Variants in PKIB observed in about 807,000 individuals in gnomAD.
The protein encoded by PKIB is cAMP-dependent protein kinase inhibitor beta, also known as PKI-beta.
Under a neutral mutation model 4.5 loss-of-function variants are expected in PKIB, and 2 were observed. That is an observed-to-expected ratio of 0.44 (90% CI 0.18 to 1.39). The LOEUF (loss-of-function observed/expected upper bound fraction) is 1.39. Among genes scored for constraint, PKIB ranks in the 40% most tolerant of loss-of-function variants. The pLI is 0.27. For synonymous variants in PKIB, 38 were observed against 36.0 expected (o/e 1.06, Z -0.20); for missense variants, 94 against 92.6 (o/e 1.02, Z -0.06).
At chr6:122,493,917 T>A (rs1403068592) in intron 2 of PKIB, among the ~76,000 whole-genome samples, 1 of 152,118 alleles carries the variant, frequency 6.6e-6, no homozygotes, top group Non-Finnish European at 1.5e-5. Context: ...GTGGCTCTTC[T>A]GGAAAGAAAC....
chr6:122,538,611 A>G lies in PKIB; in HGVS notation c.-247-47310A>G, dbSNP rs11757966. Among the ~76,000 whole-genome samples, 1,073 of 152,086 alleles carry G rather than the reference A, an allele frequency of 7.1e-3. 11 individuals are homozygous for G. Among genetic ancestry groups the G allele is most frequent in the Non-Finnish European group, 9.3e-3 (633 of 68,008 alleles). On this transcript the variant is annotated intron_variant, in intron 2 of 6. Transcript: ENST00000392491. ...GTAGTATAGTTTGAAGTCAGGTAGC[A>G]TGATGCCTCCGGCTTTGTTCTTTTG...
chr6:122,641,860 A>AT (rs1255424577), intron 2 of PKIB, among the ~76,000 whole-genome samples: 1 of 152,088 alleles, frequency 6.6e-6, no homozygotes, highest in Non-Finnish European at 1.5e-5. Context: ...CACCTGGCTC[A>AT]TTTTTTATTT....
chr6:122,619,096 T>C (rs1275698493), intron 1 of PKIB, among the ~76,000 whole-genome samples: 1 of 152,168 alleles, frequency 6.6e-6, no homozygotes, highest in Admixed American at 6.5e-5. Flanking sequence ...TCAATCTGTT[T>C]GCAAGAGCTT....
At chr6:122,499,976 G>C (rs1353933083) in intron 2 of PKIB, among the ~76,000 whole-genome samples, 1 of 152,038 alleles carries the variant, frequency 6.6e-6, no homozygotes, top group Non-Finnish European at 1.5e-5. Context: ...AAATACCTAA[G>C]AATACATCTA....
At chr6:122,693,881 TAGG>T (rs1778449763) in intron 3 of PKIB, among the ~76,000 whole-genome samples, 2 of 152,184 alleles carry the variant, frequency 1.3e-5, no homozygotes, top group South Asian at 4.1e-4. Context: ...TAAAAAACTC[TAGG>T]AGATGACTGA....
chr6:122,524,538 A>ATTTTTTGGTATGTACTTGCTTAT, intron 2 of PKIB, among the ~76,000 whole-genome samples: 1 of 152,058 alleles, frequency 6.6e-6, no homozygotes, highest in East Asian at 1.9e-4. Context: ...TTTTTGGAAA[A>ATTTTTTGGTATGTACTTGCTTAT]GTTTTAAAAG....
At chr6:122,512,610 C>T (rs1213788319) in intron 2 of PKIB, among the ~76,000 whole-genome samples, 1 of 152,132 alleles carries the variant, frequency 6.6e-6, no homozygotes, top group Non-Finnish European at 1.5e-5. Context: ...ACCAGCTGCT[C>T]CTTTGGACAA....
chr6:122,632,629 T>C (rs756898366), intron 1 of PKIB, among the ~76,000 whole-genome samples: 4 of 152,214 alleles, frequency 2.6e-5, no homozygotes, highest in Non-Finnish European at 5.9e-5. Flanking sequence ...ATTGGCTACC[T>C]ATTCATAGCA....
At chr6:122,558,638 C>A (rs181096136) in intron 2 of PKIB, among the ~76,000 whole-genome samples, 127 of 152,284 alleles carry the variant, frequency 8.3e-4, no homozygotes, top group African/African-American at 2.9e-3. Context: ...TTCAACATTT[C>A]TTTTAGTACA....
At chr6:122,529,178 T>C (rs1456489932) in intron 2 of PKIB, among the ~76,000 whole-genome samples, 1 of 152,240 alleles carries the variant, frequency 6.6e-6, no homozygotes, top group Non-Finnish European at 1.5e-5. Context: ...TCTTCTGTAA[T>C]GATGTGCTTT....
At chr6:122,510,395 G>C (rs1467533881) in intron 2 of PKIB, among the ~76,000 whole-genome samples, 2 of 152,140 alleles carry the variant, frequency 1.3e-5, no homozygotes, top group Non-Finnish European at 2.9e-5. Context: ...CATACCCTGA[G>C]GCAAAACTTT....
At chr6:122,547,662 C>T (rs1772536994) in intron 2 of PKIB, among the ~76,000 whole-genome samples, 1 of 152,136 alleles carries the variant, frequency 6.6e-6, no homozygotes, top group African/African-American at 2.4e-5. Context: ...CTTATACTGT[C>T]TGTCTTGGCT....
At position 122,725,766 on chromosome 6, in the gene PKIB, T is replaced by C. The variant is rs1582852298; in HGVS notation, c.*571T>C. ...GATAACAGAAACATCTTTAGGATAT[T>C]TTTGTCTGACATATTTTGCTTCTAG... On this transcript the variant is annotated 3_prime_UTR_variant, in exon 5 of 5. Coordinates refer to ENST00000368452, the MANE Select transcript of PKIB (RefSeq NM_181795.3). 6.6e-6 allele frequency: 1 copy of C among 152,130 alleles called. No individual in the cohort carries two copies. Among genetic ancestry groups the C allele is most frequent in the East Asian group, 1.9e-4 (1 of 5,180 alleles). 9.4% of individuals were successfully genotyped at this position (152,130 alleles called of 1,614,324 possible).
intron 2 of PKIB, among the ~76,000 whole-genome samples, chr6:122,520,611 T>A (rs1182230757): frequency 6.6e-6 from 1 of 152,054 alleles, no homozygotes; most frequent in Non-Finnish European, 1.5e-5. Context: ...CATTATTTCC[T>A]CTTCTTAAGC....
chr6:122,606,686 A>G (rs1341426722), upstream of PKIB, among the ~76,000 whole-genome samples: 1 of 152,126 alleles, frequency 6.6e-6, no homozygotes, highest in Non-Finnish European at 1.5e-5. Flanking sequence ...GAATTGTGAG[A>G]GAATAAATTC....
upstream of PKIB, among the ~76,000 whole-genome samples, chr6:122,607,648 C>T (rs971630276): frequency 2.0e-5 from 3 of 152,214 alleles, no homozygotes; most frequent in African/African-American, 4.8e-5. Flanking sequence ...TACCACCAAC[C>T]TCATAAACTA....
chr6:122,603,129 A>C (rs1224158331), intron 3 of PKIB, among the ~76,000 whole-genome samples: 3 of 152,118 alleles, frequency 2.0e-5, no homozygotes, highest in African/African-American at 4.8e-5. Flanking sequence ...GCTATGGTTA[A>C]ATTAGAGTTT....
intron 3 of PKIB, among the ~76,000 whole-genome samples, chr6:122,694,526 A>G (rs1473597113): frequency 6.6e-6 from 1 of 152,196 alleles, no homozygotes; most frequent in African/African-American, 2.4e-5. Context: ...CCAAGCTGGC[A>G]CAGGTGAGAT....
At chr6:122,501,533 G>A (rs1776235884) in intron 2 of PKIB, among the ~76,000 whole-genome samples, 1 of 152,214 alleles carries the variant, frequency 6.6e-6, no homozygotes, top group Non-Finnish European at 1.5e-5. Context: ...GCAGCTTACA[G>A]TGTTTGAAAC....
Sources: gnomAD v4.1 joint callset for allele counts (sites outside exome capture counted in the v4.1 genomes callset) on GRCh38, gnomAD v4.1.1 for gene constraint, MANE v1.5 for transcripts, NCBI Gene and HGNC (gene_info 2026-07-23, HGNC 2026-07-21) for gene names.